FOXI2: variants seen among roughly 807,000 people sequenced by gnomAD.
FOXI2 encodes forkhead box protein I2.
FOXI2 carries 17 observed loss-of-function variants against 14.3 expected under a neutral mutation model. The ratio of observed to expected loss-of-function variants is 1.19; its 90% CI spans 0.81 to 1.78. The LOEUF (loss-of-function observed/expected upper bound fraction) is 1.78. Among genes scored for constraint, FOXI2 ranks in the 40% most tolerant of loss-of-function variants. The pLI is 0.00. For synonymous variants in FOXI2, 240 were observed against 218.8 expected, an observed-to-expected ratio of 1.10 and a Z score of -0.85; for missense variants, 541 against 460.0, an observed-to-expected ratio of 1.18 and a Z score of -1.61.
At position 127,737,502 on chromosome 10, in the gene FOXI2, G is replaced by T. The variant is rs1426383154; in HGVS notation, c.229G>T (p.Ala77Ser). Reference sequence around the variant, plus strand: ...CGGGGCTCCCGGCCCGCTCCTCGGCGCCCCGGGCGGCCTGGCGGGCGCCGA... The same window carrying T: ...CGGGGCTCCCGGCCCGCTCCTCGGCTCCCCGGGCGGCCTGGCGGGCGCCGA... ...SYGAPGPLLG[A>S]PGGLAGADLA... Residue 77 changes from alanine to serine, a missense_variant, in exon 1 of 2, where the codon GCC becomes TCC. Coordinates refer to ENST00000388920, the MANE Select transcript of FOXI2 (RefSeq NM_207426.3). The T allele has an allele frequency of 1.6e-5, 23 of 1,402,430 alleles. No individual in the cohort carries two copies. The highest frequency in any genetic ancestry group is 2.0e-5 in the Non-Finnish European group (22 of 1,089,002). The allele number at this position is 1,402,430 out of a possible 1,614,324, so 86.9% of individuals were successfully genotyped here. A position where few individuals can be genotyped will look rare whatever the true frequency, so the allele number is the denominator to read the frequency against.
Position 127,738,839 on chromosome 10 carries a change from G to A in FOXI2, c.831G>A (p.Pro277=), listed in dbSNP as rs977042029. The A allele has an allele frequency of 1.2e-6, 2 of 1,606,628 alleles. No homozygotes were observed. Among genetic ancestry groups the A allele is most frequent in the South Asian group, 1.1e-5 (1 of 90,444 alleles). Residue 277 remains proline (P), a synonymous_variant, in exon 2 of 2, where the codon CCG becomes CCA. Coordinates refer to ENST00000388920, the MANE Select transcript of FOXI2 (RefSeq NM_207426.3). ...ACTTTTCTTTCGGGAGGCGGCCACC[G>A]ACAGTCGCCACCCACGCTCCCCAGA... is the stretch of plus-strand genomic sequence containing the variant. ...AGDFSFGRRP[P]TVATHAPQTL...
In FOXI2 at chr10:127,738,681, G is replaced by A. The variant is rs780372732; in HGVS notation, c.673G>A (p.Ala225Thr). ...GGCGCCAGCGCTGGAGCCCCCGAGC[G>A]CGGCTTGCCTGGACCTGCAGGCCTC... ...AEAPALEPPS[A>T]ACLDLQASPS... Residue 225 changes from alanine (A) to threonine (T), a missense_variant, in exon 2 of 2, where the codon GCG (alanine) becomes ACG (threonine). Coordinates refer to ENST00000388920, the MANE Select transcript of FOXI2 (RefSeq NM_207426.3). 3 of 1,595,454 alleles carry A rather than the reference G, an allele frequency of 1.9e-6. No homozygotes were observed. Among genetic ancestry groups the A allele is most frequent in the African/African-American group, 1.3e-5 (1 of 74,464 alleles).
Position 127,739,078 on chromosome 10 carries a change from G to A in FOXI2, c.*113G>A. 13 of 970,062 alleles carry A rather than the reference G, an allele frequency of 1.3e-5. No homozygotes were observed. Among genetic ancestry groups the A allele is most frequent in the Non-Finnish European group, 1.9e-5 (13 of 669,990 alleles). The allele number at this position is 970,062 out of a possible 1,614,324, so 60.1% of individuals were successfully genotyped here. A position where few individuals can be genotyped will look rare whatever the true frequency, so the allele number is the denominator to read the frequency against. ...GTTGAAGGCCTTGGTGCCCTGGGAG[G>A]AAGCGCAGAGCCGGGGGCGGCTCGG... On this transcript the variant is annotated 3_prime_UTR_variant, in exon 2 of 2. Coordinates refer to ENST00000388920, the MANE Select transcript of FOXI2 (RefSeq NM_207426.3).
At chr10:127,738,390 A>C in intron 1 of FOXI2, 130 bp from the exon 2 acceptor site, 6 of 672,046 alleles carry the variant, frequency 8.9e-6, no homozygotes, top group Non-Finnish European at 1.5e-5. Flanking sequence ...CAAGGGTGGA[A>C]TGGGGGCGAG....
rs747529560 is a variant in FOXI2 at position 127,738,890 on chromosome 10, C to G, written c.882C>G (p.Ala294=). 14 of 1,606,666 alleles carry G rather than the reference C, an allele frequency of 8.7e-6. No individual in the cohort carries two copies. The highest frequency in any genetic ancestry group is 1.2e-5 in the Non-Finnish European group (14 of 1,179,450). ...PQTLNPSPGF[A]PGHQTAAAGF... is the part of the protein sequence containing the mutation. ...CCCTTAACCCCTCCCCTGGCTTCGC[C>G]CCTGGCCACCAGACCGCGGCCGCCG... The change falls in exon 2 of 2, where the codon GCC becomes GCG. Residue 294 remains alanine (A), a synonymous_variant. Coordinates refer to ENST00000388920, the MANE Select transcript of FOXI2 (RefSeq NM_207426.3).
At position 127,737,455 on chromosome 10, in the gene FOXI2, C is replaced by A. The variant is rs118034115; in HGVS notation, c.182C>A (p.Pro61Gln). ...TACGCTTCGGGTCCCGGGCCTGCGC[C>A]GCCCTACGCGGCCCCGAGCTACGGG... ...KSYASGPGPA[P>Q]PYAAPSYGAP... Residue 61 changes from proline to glutamine, a missense_variant, in exon 1 of 2, where the codon CCG becomes CAG. Pro to Gln is a moderately conservative substitution (Grantham distance 76). Coordinates refer to ENST00000388920, the MANE Select transcript of FOXI2 (RefSeq NM_207426.3). 1.1e-4 allele frequency: 153 copies of A among 1,363,724 alleles called. No homozygotes were observed. The East Asian group carries it at 4.1e-3, about 37-fold the overall frequency. 84.5% of individuals were successfully genotyped at this position (1,363,724 alleles called of 1,614,324 possible). A position where few individuals can be genotyped will look rare whatever the true frequency, so the allele number is the denominator to read the frequency against.
rs1275774892 is a variant in FOXI2 at position 127,739,851 on chromosome 10, T to TCACA, written c.*888_*891dup. On this transcript the variant is annotated 3_prime_UTR_variant, in exon 2 of 2. Coordinates refer to ENST00000388920, the MANE Select transcript of FOXI2 (RefSeq NM_207426.3). ...CCCACACCCACACTCACACTCACACTCACACCCACACTCACACCCACACTC... is the reference window on the plus strand; with the variant it reads ...CCCACACCCACACTCACACTCACACTCACACACACCCACACTCACACCCACACTC... The TCACA allele has an allele frequency of 6.9e-5, 1 of 14,398 alleles. No individual in the cohort carries two copies. The highest frequency in any genetic ancestry group is 2.0e-4 in the African/African-American group (1 of 5,106). The allele number at this position is 14,398 out of a possible 1,614,324, so 0.9% of individuals were successfully genotyped here. A position where few individuals can be genotyped will look rare whatever the true frequency, so the allele number is the denominator to read the frequency against.
rs1846448257 is a variant in FOXI2, at chr10:127,738,661, C to T, written c.653C>T (p.Pro218Leu). The T allele has an allele frequency of 6.3e-7, 1 of 1,596,502 alleles. No individual in the cohort carries two copies. The highest frequency in any genetic ancestry group is 1.7e-5 in the Admixed American group (1 of 57,598). Residue 218 changes from proline to leucine, a missense_variant, in exon 2 of 2, where the codon CCA becomes CTA. Pro to Leu is a moderately conservative substitution (Grantham distance 98). Transcript: ENST00000388920. ...AGGAGCGTGGGAGGGGCCGAGGCGC[C>T]AGCGCTGGAGCCCCCGAGCGCGGCT... ...GARSVGGAEA[P>L]ALEPPSAACL...
At position 127,739,841 on chromosome 10, in the gene FOXI2, A is replaced by ACACC. The variant is rs1360170836; in HGVS notation, c.*879_*880insCCAC. 2 of 109,674 alleles carry ACACC rather than the reference A, an allele frequency of 1.8e-5. No individual in the cohort carries two copies. The highest frequency in any genetic ancestry group is 3.6e-5 in the Non-Finnish European group (2 of 55,142). 6.8% of individuals were successfully genotyped at this position (109,674 alleles called of 1,614,324 possible). The stretch of plus-strand genomic sequence containing the variant: ...CACACCCACACCCACACCCACACTC[A>ACACC]CACTCACACTCACACCCACACTCAC... On this transcript the variant is annotated 3_prime_UTR_variant, in exon 2 of 2. Coordinates refer to ENST00000388920, the MANE Select transcript of FOXI2 (RefSeq NM_207426.3).
rs1208546268 is a variant in FOXI2, at chr10:127,739,601, A to G, written c.*636A>G. 6.6e-6 allele frequency: 1 copy of G among 152,662 alleles called. No homozygotes were observed. The highest frequency in any genetic ancestry group is 1.5e-5 in the Non-Finnish European group (1 of 68,450). 9.5% of individuals were successfully genotyped at this position (152,662 alleles called of 1,614,324 possible). A position where few individuals can be genotyped will look rare whatever the true frequency, so the allele number is the denominator to read the frequency against. ...ACTGCTGGTGGTGGGAGGGAGAAGC[A>G]CTGCGTGGGCAGAAAGCGCCCTTGG... On this transcript the variant is annotated 3_prime_UTR_variant, in exon 2 of 2. Coordinates refer to ENST00000388920, the MANE Select transcript of FOXI2 (RefSeq NM_207426.3).
Position 127,739,899 on chromosome 10 carries a change from TCA to T in FOXI2, c.*942_*943del, listed in dbSNP as rs1228525237. On this transcript the variant is annotated 3_prime_UTR_variant, in exon 2 of 2. Coordinates refer to ENST00000388920, the MANE Select transcript of FOXI2 (RefSeq NM_207426.3). ...CTCACACCCACACCCACACCCACAC[TCA>T]CACACACTCACACCCACACCCACAC... 1.8e-3 allele frequency: 23 copies of T among 13,100 alleles called. 2 individuals carry two copies. The highest frequency in any genetic ancestry group is 3.3e-3 in the African/African-American group (16 of 4,816). 0.8% of individuals were successfully genotyped at this position (13,100 alleles called of 1,614,324 possible).
In FOXI2 at chr10:127,740,669, C is replaced by A. The variant is rs1421532974; in HGVS notation, c.*1704C>A. 1.3e-5 allele frequency: 2 copies of A among 152,258 alleles called. No homozygotes were observed. The highest frequency in any genetic ancestry group is 4.8e-5 in the African/African-American group (2 of 41,430). 9.4% of individuals were successfully genotyped at this position (152,258 alleles called of 1,614,324 possible). ...CTGGTTTAGCAATCCTAAGCCCCAG[C>A]CACGCAGGTATTCCTGATCTGCCTG... On this transcript the variant is annotated 3_prime_UTR_variant, in exon 2 of 2. Transcript: ENST00000388920.
In FOXI2 at chr10:127,738,780, G is replaced by C. The variant is rs779211910; in HGVS notation, c.772G>C (p.Gly258Arg). 9 of 1,605,728 alleles carry C rather than the reference G, an allele frequency of 5.6e-6. No homozygotes were observed. Among genetic ancestry groups the C allele is most frequent in the African/African-American group, 1.3e-5 (1 of 74,656 alleles). The part of the protein sequence containing the change: ...FASAMSALAG[G>R]LGTFPGGLAG... The stretch of plus-strand genomic sequence containing the variant: ...TTCTGCTATGAGCGCTCTGGCTGGC[G>C]GCCTTGGCACCTTCCCCGGGGGCCT... Residue 258 changes from glycine (G) to arginine (R), a missense_variant, in exon 2 of 2, where the codon GGC becomes CGC. Gly to Arg is a moderately radical substitution (Grantham distance 125). Coordinates refer to ENST00000388920, the MANE Select transcript of FOXI2 (RefSeq NM_207426.3).
In FOXI2 at chr10:127,739,790, C is replaced by G. The variant is rs889640295; in HGVS notation, c.*825C>G. 6.9e-6 allele frequency: 1 copy of G among 145,662 alleles called. No individual in the cohort carries two copies. The highest frequency in any genetic ancestry group is 1.5e-5 in the Non-Finnish European group (1 of 66,556). The allele number at this position is 145,662 out of a possible 1,614,324, so 9.0% of individuals were successfully genotyped here. ...TGTGCCACCCACACCCACACTCACA[C>G]CCACACTCACACCCACACTCACACC... On this transcript the variant is annotated 3_prime_UTR_variant, in exon 2 of 2. Transcript: ENST00000388920.
In FOXI2 at chr10:127,740,113, C is replaced by CT. The variant is rs71032599; in HGVS notation, c.*1148_*1149insT. 11 of 41,594 alleles carry CT rather than the reference C, an allele frequency of 2.6e-4. No individual in the cohort carries two copies. The highest frequency in any genetic ancestry group is 6.8e-4 in the African/African-American group (9 of 13,210). 2.6% of individuals were successfully genotyped at this position (41,594 alleles called of 1,614,324 possible). A position where few individuals can be genotyped will look rare whatever the true frequency, so the allele number is the denominator to read the frequency against. On this transcript the variant is annotated 3_prime_UTR_variant, in exon 2 of 2. Transcript: ENST00000388920. ...ACTCACACTCACACCCACACTCACA[C>CT]CACACTCACACCCACACACACCCAC...
rs1041918296 is a variant in FOXI2 at position 127,739,107 on chromosome 10, G to T, written c.*142G>T. On this transcript the variant is annotated 3_prime_UTR_variant, in exon 2 of 2. Coordinates refer to ENST00000388920, the MANE Select transcript of FOXI2 (RefSeq NM_207426.3). ...CGCAGAGCCGGGGGCGGCTCGGCCAGCAGGGAGCTGGGCTGAGCGGCTCTT... is the reference window on the plus strand; with the variant it reads ...CGCAGAGCCGGGGGCGGCTCGGCCATCAGGGAGCTGGGCTGAGCGGCTCTT... 3 of 734,566 alleles carry T rather than the reference G, an allele frequency of 4.1e-6. No homozygotes were observed. The highest frequency in any genetic ancestry group is 3.6e-5 in the African/African-American group (2 of 55,404). The allele number at this position is 734,566 out of a possible 1,614,324, so 45.5% of individuals were successfully genotyped here.
At position 127,738,658 on chromosome 10, in the gene FOXI2, C is replaced by A; in HGVS notation, c.650C>A (p.Ala217Glu). The A allele has an allele frequency of 6.3e-7, 1 of 1,596,334 alleles. No homozygotes were observed. Among genetic ancestry groups the A allele is most frequent in the Non-Finnish European group, 8.5e-7 (1 of 1,171,384 alleles). ...SGARSVGGAE[A>E]PALEPPSAAC... ...GCCAGGAGCGTGGGAGGGGCCGAGGCGCCAGCGCTGGAGCCCCCGAGCGCG... is the reference window on the plus strand; with the variant it reads ...GCCAGGAGCGTGGGAGGGGCCGAGGAGCCAGCGCTGGAGCCCCCGAGCGCG... Residue 217 changes from alanine to glutamate, a missense_variant, in exon 2 of 2, where the codon GCG becomes GAG. Ala to Glu is a moderately radical substitution (Grantham distance 107). Transcript: ENST00000388920.
rs1322011606 is a variant in FOXI2 at position 127,738,831 on chromosome 10, C to T, written c.823C>T (p.Arg275Trp). 6.2e-7 allele frequency: 1 copy of T among 1,605,656 alleles called. No homozygotes were observed. Reference protein sequence around the residue: ...GLAGDFSFGRRPPTVATHAPQ... With the variant: ...GLAGDFSFGRWPPTVATHAPQ... The stretch of plus-strand genomic sequence containing the variant: ...GGCGGGCGACTTTTCTTTCGGGAGG[C>T]GGCCACCGACAGTCGCCACCCACGC... The change falls in exon 2 of 2, where the codon CGG becomes TGG. Residue 275 changes from arginine to tryptophan, a missense_variant. By Grantham distance (101) the Arg-to-Trp change is moderately radical. Coordinates refer to ENST00000388920, the MANE Select transcript of FOXI2 (RefSeq NM_207426.3).
intron 1 of FOXI2, among the ~76,000 whole-genome samples, 191 bp downstream of exon 1, chr10:127,737,975 A>G (rs1054038002): frequency 6.6e-6 from 1 of 152,142 alleles, no homozygotes; most frequent in Non-Finnish European, 1.5e-5. Context: ...TGAGCCCACC[A>G]CAGGCCCGCG....
Sources: allele counts gnomAD v4.1 joint callset (sites outside exome capture counted in the v4.1 genomes callset), GRCh38; gene constraint gnomAD v4.1.1; transcripts MANE v1.5; gene names NCBI Gene and HGNC (gene_info 2026-07-23, HGNC 2026-07-21).